Variants in PRR16 observed in about 807,000 individuals in gnomAD.
The protein encoded by PRR16 is proline rich 16.
PRR16 carries 6 observed loss-of-function variants against 18.2 expected under a neutral mutation model. The ratio of observed to expected loss-of-function variants is 0.33; its 90% CI spans 0.18 to 0.65. PRR16 has a LOEUF of 0.65. PRR16 is among the 30% of genes least tolerant of loss of function. PRR16 has a pLI of 0.74. For missense variants in PRR16, 412 were observed against 376.6 expected, an observed-to-expected ratio of 1.09 and a Z score of -0.78; for synonymous variants, 151 against 147.8, an observed-to-expected ratio of 1.02 and a Z score of -0.16.
the PRR16 span, among the ~76,000 whole-genome samples, chr5:120,776,111 ACTG>A: frequency 1.3e-5 from 2 of 151,930 alleles, no homozygotes; most frequent in South Asian, 4.1e-4. Flanking sequence ...TGCTGCTCCC[ACTG>A]GAGTCTAGGG....
chr5:120,699,186 T>C, the PRR16 span, among the ~76,000 whole-genome samples: 164 of 152,158 alleles, frequency 1.1e-3, 2 homozygotes, highest in East Asian at 0.028. Context: ...AGTAGTAGAA[T>C]AGCAGATGGA....
chr5:120,675,501 T>C (rs761748580), intron 1 of PRR16, among the ~76,000 whole-genome samples: 16 of 152,194 alleles, frequency 1.1e-4, no homozygotes, highest in Non-Finnish European at 1.2e-4. Context: ...CACTTTCAAA[T>C]TTGAAATCCT....
chr5:120,792,474 T>A, the PRR16 span, among the ~76,000 whole-genome samples: 1 of 152,210 alleles, frequency 6.6e-6, no homozygotes, highest in African/African-American at 2.4e-5. Flanking sequence ...AAGTCAGTAT[T>A]ACTTTTACAA....
At chr5:120,502,159 T>G (rs955862914) in intron 1 of PRR16, among the ~76,000 whole-genome samples, 3 of 151,128 alleles carry the variant, frequency 2.0e-5, no homozygotes, top group African/African-American at 4.8e-5. Flanking sequence ...TAAGGAAATC[T>G]GTCCTAAGGA....
At chr5:120,519,670 A>T (rs1263481084) in intron 1 of PRR16, among the ~76,000 whole-genome samples, 1 of 152,172 alleles carries the variant, frequency 6.6e-6, no homozygotes, top group African/African-American at 2.4e-5. Context: ...TAAAACTCTC[A>T]GGAAGCTATT....
intron 1 of PRR16, among the ~76,000 whole-genome samples, chr5:120,625,613 C>T (rs1754837176): frequency 6.6e-6 from 1 of 152,122 alleles, no homozygotes; most frequent in Non-Finnish European, 1.5e-5. Context: ...GCTGGGATTA[C>T]AGGTAAAAGC....
At chr5:120,779,739 A>G in the PRR16 span, among the ~76,000 whole-genome samples, 3 of 152,302 alleles carry the variant, frequency 2.0e-5, no homozygotes, top group Admixed American at 6.5e-5. Context: ...ATTCTTAATA[A>G]CAGCAAAGGA....
the PRR16 span, among the ~76,000 whole-genome samples, chr5:120,729,458 G>C: frequency 6.6e-6 from 1 of 152,124 alleles, no homozygotes; most frequent in Non-Finnish European, 1.5e-5. Context: ...ACTAAAAGAT[G>C]CTCACTAATA....
chr5:120,661,674 T>C (rs1408015968), intron 1 of PRR16, among the ~76,000 whole-genome samples: 1 of 152,020 alleles, frequency 6.6e-6, no homozygotes, highest in Non-Finnish European at 1.5e-5. Context: ...CCTTGGGTAC[T>C]GTCCTCCAGA....
the PRR16 span, among the ~76,000 whole-genome samples, chr5:120,754,272 A>ATATAAATAT: frequency 1.2e-5 from 1 of 84,564 alleles, no homozygotes; most frequent in African/African-American, 5.8e-5. Flanking sequence ...ATAAATATAA[A>ATATAAATAT]ATAATATATA....
the PRR16 span, among the ~76,000 whole-genome samples, chr5:120,695,927 A>ATG: frequency 7.2e-5 from 3 of 41,826 alleles, no homozygotes; most frequent in African/African-American, 2.1e-4. Flanking sequence ...CAACATATAT[A>ATG]TGTGTGTGTG....
intron 1 of PRR16, among the ~76,000 whole-genome samples, chr5:120,474,255 C>G (rs1211139984): frequency 6.6e-6 from 1 of 152,132 alleles, no homozygotes; most frequent in African/African-American, 2.4e-5. Context: ...TTCTCAAACT[C>G]TGCACTATTG....
chr5:120,749,521 G>A, the PRR16 span, among the ~76,000 whole-genome samples: 1 of 152,060 alleles, frequency 6.6e-6, no homozygotes, highest in Non-Finnish European at 1.5e-5. Context: ...TCATAACAAT[G>A]TACTGTCAGT....
chr5:120,557,512 C>T (rs1193781341), intron 1 of PRR16, among the ~76,000 whole-genome samples: 1 of 151,766 alleles, frequency 6.6e-6, no homozygotes, highest in East Asian at 1.9e-4. Flanking sequence ...TAAACTTGCA[C>T]TGATGTGATG....
intron 1 of PRR16, among the ~76,000 whole-genome samples, chr5:120,619,967 G>A (rs1754634643): frequency 6.6e-6 from 1 of 152,058 alleles, no homozygotes; most frequent in African/African-American, 2.4e-5. Context: ...AGGTCAGAGA[G>A]AATATGAAAG....
intron 1 of PRR16, among the ~76,000 whole-genome samples, chr5:120,615,052 G>A (rs202176425): frequency 2.0e-5 from 3 of 151,026 alleles, no homozygotes; most frequent in South Asian, 2.1e-4. Context: ...CTGTATAACG[G>A]AAAAAAAAAT....
At chr5:120,766,400 A>G in the PRR16 span, among the ~76,000 whole-genome samples, 36,781 of 151,862 alleles carry the variant, frequency 0.24, 4,965 homozygotes, top group Non-Finnish European at 0.3. Flanking sequence ...ATTTCATCCA[A>G]TGTGAACCCT....
At chr5:120,558,720 C>A (rs1394235610) in intron 1 of PRR16, among the ~76,000 whole-genome samples, 1 of 151,944 alleles carries the variant, frequency 6.6e-6, no homozygotes, top group Non-Finnish European at 1.5e-5. Flanking sequence ...GAGGAACCTC[C>A]AAACTGTTCT....
At chr5:120,569,072 G>A (rs1056805989) in intron 1 of PRR16, among the ~76,000 whole-genome samples, 3 of 151,864 alleles carry the variant, frequency 2.0e-5, no homozygotes, top group Non-Finnish European at 4.4e-5. Flanking sequence ...TTCTATACAT[G>A]CCTCTAATCA....
Sources: allele counts gnomAD v4.1 joint callset (sites outside exome capture counted in the v4.1 genomes callset), GRCh38; gene constraint gnomAD v4.1.1; transcripts MANE v1.5; gene names NCBI Gene and HGNC (gene_info 2026-07-23, HGNC 2026-07-21).